Variants in CDH12 observed in about 807,000 individuals in gnomAD.
The protein encoded by CDH12 is cadherin-12.
A neutral mutation model predicts 74.1 loss-of-function variants in CDH12; 41 were observed. The observed-to-expected ratio is 0.55, with a 90% confidence interval of 0.43 to 0.72. The LOEUF is 0.72. CDH12 is among the 30% of genes least tolerant of loss of function. CDH12 has a pLI of 0.00. For synonymous variants in CDH12, 399 were observed against 355.0 expected, an observed-to-expected ratio of 1.12 and a Z score of -1.39; for missense variants, 945 against 977.2, an observed-to-expected ratio of 0.97 and a Z score of 0.44.
At chr5:22,644,427 A>G (rs1223753149) in intron 1 of CDH12, among the ~76,000 whole-genome samples, 2 of 152,136 alleles carry the variant, frequency 1.3e-5, no homozygotes, top group Non-Finnish European at 2.9e-5. Flanking sequence ...CTCTTAAGCC[A>G]AAGTTTAATC....
intron 1 of CDH12, among the ~76,000 whole-genome samples, chr5:22,820,630 C>G (rs1287507123): frequency 6.6e-6 from 1 of 152,150 alleles, no homozygotes; most frequent in Admixed American, 6.6e-5. Flanking sequence ...ACTAGAAAAT[C>G]TAGAAGAAAT....
chr5:21,788,733 C>A (rs1746332703), intron 10 of CDH12, among the ~76,000 whole-genome samples: 1 of 152,076 alleles, frequency 6.6e-6, no homozygotes, highest in African/African-American at 2.4e-5. Context: ...TTCTCATGAG[C>A]ACATGAGTTT....
chr5:22,132,815 A>G (rs1351786673), intron 4 of CDH12, among the ~76,000 whole-genome samples: 1 of 152,090 alleles, frequency 6.6e-6, no homozygotes, highest in African/African-American at 2.4e-5. Context: ...CACCTTGTCT[A>G]TGCAACTCGG....
rs1460585274 is a variant in CDH12 at position 22,230,334 on chromosome 5, T to C, written c.-332-17691A>G. On this transcript the variant is annotated intron_variant, in intron 3 of 14. Coordinates refer to ENST00000382254, the MANE Select transcript of CDH12 (RefSeq NM_004061.5). ...ACAATACATAATATCATTATTTTTCTGGTATCCTTAGTGTTACATAAGAAC... is the reference window on the plus strand; with the variant it reads ...ACAATACATAATATCATTATTTTTCCGGTATCCTTAGTGTTACATAAGAAC... Among the ~76,000 whole-genome samples, 3 of 152,180 alleles carry C rather than the reference T, an allele frequency of 2.0e-5. No homozygotes were observed. The East Asian group carries it at 5.8e-4, about 29-fold the overall frequency.
chr5:21,970,870 A>G (rs867707968), intron 6 of CDH12, among the ~76,000 whole-genome samples: 3,708 of 144,622 alleles, frequency 0.026, 118 homozygotes, highest in African/African-American at 0.092. Context: ...AAAAAAAAAA[A>G]AAAAGAAAAA....
In CDH12 at chr5:21,866,775, C is replaced by T. The variant is rs142147034; in HGVS notation, c.527-11985G>A. Reference sequence around the variant, plus strand: ...AGAAATTTGCATAAGTAACGAGAAGCCAAATATTAATCACAAGGACAATGA... The same window carrying T: ...AGAAATTTGCATAAGTAACGAGAAGTCAAATATTAATCACAAGGACAATGA... On this transcript the variant is annotated intron_variant, in intron 6 of 14. Transcript: ENST00000382254. Among the ~76,000 whole-genome samples, 852 of 152,208 alleles carry T rather than the reference C, an allele frequency of 5.6e-3. 4 individuals carry two copies. Among genetic ancestry groups the T allele is most frequent in the African/African-American group, 0.019 (798 of 41,530 alleles).
intron 6 of CDH12, among the ~76,000 whole-genome samples, chr5:21,974,045 C>A (rs1756963106): frequency 6.6e-6 from 1 of 152,008 alleles, no homozygotes; most frequent in Admixed American, 6.6e-5. Context: ...GTCACATACA[C>A]AATTTCAAGT....
chr5:22,308,376 G>T (rs1738219405), intron 3 of CDH12, among the ~76,000 whole-genome samples: 1 of 152,130 alleles, frequency 6.6e-6, no homozygotes, highest in Admixed American at 6.6e-5. Context: ...ATTGCCATCT[G>T]CATTCCACTG....
At chr5:22,852,221 A>G (rs1029619196) in intron 1 of CDH12, among the ~76,000 whole-genome samples, 4 of 152,330 alleles carry the variant, frequency 2.6e-5, no homozygotes, top group Admixed American at 2.6e-4. Flanking sequence ...GTACAGAGAA[A>G]TGTGTATAAG....
intron 1 of CDH12, among the ~76,000 whole-genome samples, chr5:22,604,181 T>C (rs1736985913): frequency 6.6e-6 from 1 of 152,180 alleles, no homozygotes; most frequent in African/African-American, 2.4e-5. Flanking sequence ...ATGACAATGA[T>C]CATAAAGTTA....
intron 6 of CDH12, among the ~76,000 whole-genome samples, chr5:21,920,192 T>C (rs1400019619): frequency 6.6e-6 from 1 of 152,098 alleles, no homozygotes; most frequent in Non-Finnish European, 1.5e-5. Context: ...TTTCAGAAAA[T>C]TGGGATACAT....
At chr5:22,815,714 G>A (rs1749355316) in intron 1 of CDH12, among the ~76,000 whole-genome samples, 1 of 146,000 alleles carries the variant, frequency 6.8e-6, no homozygotes. Context: ...AGTTTGCAGT[G>A]AGCTGAGATC....
At chr5:22,039,167 G>C (rs1024503954) in intron 5 of CDH12, among the ~76,000 whole-genome samples, 1 of 152,008 alleles carries the variant, frequency 6.6e-6, no homozygotes, top group African/African-American at 2.4e-5. Context: ...GGTTATCCAT[G>C]GGGATAACCC....
chr5:21,942,265 A>C (rs1755363693), intron 6 of CDH12, among the ~76,000 whole-genome samples: 1 of 151,506 alleles, frequency 6.6e-6, no homozygotes, highest in Non-Finnish European at 1.5e-5. Context: ...ACTGTAAGAT[A>C]GTAGATTTGT....
At chr5:22,274,265 A>G (rs1278471157) in intron 3 of CDH12, among the ~76,000 whole-genome samples, 2 of 152,148 alleles carry the variant, frequency 1.3e-5, no homozygotes, top group Admixed American at 1.3e-4. Flanking sequence ...ATCGAGGAAA[A>G]TTCATTTGAA....
At chr5:22,838,074 G>A (rs1337337037) in intron 1 of CDH12, among the ~76,000 whole-genome samples, 8 of 152,150 alleles carry the variant, frequency 5.3e-5, no homozygotes, top group African/African-American at 1.9e-4. Context: ...GATATTTGAT[G>A]GAAAGATCCA....
chr5:22,023,676 C>T (rs1308635946), intron 5 of CDH12, among the ~76,000 whole-genome samples: 3 of 151,854 alleles, frequency 2.0e-5, no homozygotes, highest in Non-Finnish European at 4.4e-5. Context: ...AAAGTAGAGG[C>T]AAATTTACTG....
At chr5:22,341,312 C>T (rs1226878014) in intron 3 of CDH12, among the ~76,000 whole-genome samples, 1 of 152,062 alleles carries the variant, frequency 6.6e-6, no homozygotes, top group Non-Finnish European at 1.5e-5. Context: ...AGTGATACCC[C>T]TATCTCTACA....
chr5:22,595,573 A>G (rs1736564337), intron 1 of CDH12, among the ~76,000 whole-genome samples: 2 of 152,188 alleles, frequency 1.3e-5, no homozygotes, highest in Non-Finnish European at 2.9e-5. Flanking sequence ...TTTTTGCTAG[A>G]AAGTAAACTC....
Sources: allele counts gnomAD v4.1 joint callset (sites outside exome capture counted in the v4.1 genomes callset), GRCh38; gene constraint gnomAD v4.1.1; transcripts MANE v1.5; gene names NCBI Gene and HGNC (gene_info 2026-07-23, HGNC 2026-07-21).